The following SLFN12L variants were observed in gnomAD, a reference collection of about 807,000 sequenced individuals.
The protein encoded by SLFN12L is schlafen family member 12 like.
SLFN12L carries 34 observed loss-of-function variants against 34.8 expected under a neutral mutation model. That is an observed-to-expected ratio of 0.98 (90% CI 0.74 to 1.30). The LOEUF (loss-of-function observed/expected upper bound fraction) is 1.30, where lower values mean the gene tolerates loss of function less well. SLFN12L is among the 50% of genes most tolerant of loss of function. The probability of loss-of-function intolerance (pLI) is 0.00; values close to 1 mark genes in which losing one functional copy is unlikely to be tolerated. For missense variants in SLFN12L, 703 were observed against 696.2 expected, an observed-to-expected ratio of 1.01 and a Z score of -0.11; for synonymous variants, 259 against 247.5, an observed-to-expected ratio of 1.05 and a Z score of -0.44.
At chr17:35,530,429 G>GGAAGGAAGGAAGGAA (rs1491583109) in intron 1 of SLFN12L, among the ~76,000 whole-genome samples, 2 of 8,806 alleles carry the variant, frequency 2.3e-4, no homozygotes, top group African/African-American at 5.1e-4. Flanking sequence ...AAGGAAGGAA[G>GGAAGGAAGGAAGGAA]GGAAGGGAAG....
chr17:35,475,170 G>A lies in SLFN12L; in HGVS notation c.1592C>T (p.Thr531Ile), dbSNP rs1222540633. The change falls in exon 5 of 5, where the codon ACT (threonine) becomes ATT (isoleucine). Residue 531 changes from threonine (T) to isoleucine (I), a missense_variant. Coordinates refer to ENST00000628453, the MANE Select transcript of SLFN12L (RefSeq NM_001363830.2). Reference sequence around the variant, plus strand: ...CTTTGTCATGACACACACTTTTTTAGTGTAACCACCAATTTTTGCCAGCTT... The same window carrying A: ...CTTTGTCATGACACACACTTTTTTAATGTAACCACCAATTTTTGCCAGCTT... The part of the protein sequence containing the change: ...KQKLAKIGGY[T>I]KKVCVMTKIF... The A allele has an allele frequency of 1.9e-6, 3 of 1,614,152 alleles. No individual in the cohort carries two copies. Among genetic ancestry groups the A allele is most frequent in the Non-Finnish European group, 2.5e-6 (3 of 1,180,022 alleles).
rs1455897667 is a variant in SLFN12L at position 35,465,146 on chromosome 17, C to T, written c.*9777G>A. Among the ~76,000 whole-genome samples, 1 of 152,194 alleles carries T rather than the reference C, an allele frequency of 6.6e-6. No individual in the cohort carries two copies. The highest frequency in any genetic ancestry group is 2.4e-5 in the African/African-American group (1 of 41,450). ...CCGCCTGTCTCGGCCTCCCAAAGTG[C>T]TGGGATTACAGGCGTGAGCCACCAC... On this transcript the variant is annotated 3_prime_UTR_variant, in exon 5 of 5. Transcript: ENST00000628453.
At chr17:35,510,269 T>C (rs1343853111) in intron 2 of SLFN12L, 2 of 152,188 alleles carry the variant, frequency 1.3e-5, no homozygotes, top group African/African-American at 2.4e-5. Flanking sequence ...TCCAAGAGAA[T>C]TGAAAACATA....
At chr17:35,532,649 T>C (rs944553441) in intron 1 of SLFN12L, among the ~76,000 whole-genome samples, 2 of 152,110 alleles carry the variant, frequency 1.3e-5, no homozygotes, top group African/African-American at 4.8e-5. Context: ...CCTTACACTT[T>C]GGGAGGCCAA....
intron 2 of SLFN12L, among the ~76,000 whole-genome samples, chr17:35,489,423 G>A (rs1197603811): frequency 2.0e-5 from 3 of 152,142 alleles, no homozygotes; most frequent in Non-Finnish European, 4.4e-5. Context: ...CGTGGTGGCA[G>A]TGCACTTGTG....
chr17:35,512,871 A>G (rs957779203), intron 2 of SLFN12L, among the ~76,000 whole-genome samples: 4 of 152,212 alleles, frequency 2.6e-5, no homozygotes, highest in Non-Finnish European at 4.4e-5. Context: ...TTTCAAGGAC[A>G]TAGTGTTTCT....
At position 35,490,199 on chromosome 17, in the gene SLFN12L, G is replaced by A. The variant is rs1201203599; in HGVS notation, c.87-10004C>T. On this transcript the variant is annotated intron_variant, in intron 2 of 4. Coordinates refer to ENST00000628453, the MANE Select transcript of SLFN12L (RefSeq NM_001363830.2). The stretch of plus-strand genomic sequence containing the variant: ...GCAGCCACCAGCGCTGGGACGAGGC[G>A]GCAGTGGCCCTCTGGCAAAGTGAAG... 2.5e-6 allele frequency: 4 copies of A among 1,596,608 alleles called. No homozygotes were observed. In the African/African-American group the frequency reaches 4.0e-5, roughly 16 times the overall value.
chr17:35,487,649 G>T, intron 2 of SLFN12L: 1 of 1,439,834 alleles, frequency 6.9e-7, no homozygotes, highest in Non-Finnish European at 9.4e-7. Context: ...GGATCACGGA[G>T]AAGTTCTCGT....
chr17:35,508,589 C>G (rs1333532257), intron 2 of SLFN12L, among the ~76,000 whole-genome samples: 1 of 152,184 alleles, frequency 6.6e-6, no homozygotes, highest in Non-Finnish European at 1.5e-5. Flanking sequence ...ACCTCGTGAT[C>G]TGCCCACCTT....
rs777682861 is a variant in SLFN12L at position 35,522,386 on chromosome 17, CT to C, written c.-23del. ...CCATGATCTTCATGGCCATGATGGTCTTTCCTAAGCCAGGTAAGCCATGGAC... is the reference window on the plus strand; with the variant it reads ...CCATGATCTTCATGGCCATGATGGTCTTCCTAAGCCAGGTAAGCCATGGAC... On this transcript the variant is annotated 5_prime_UTR_variant, in exon 2 of 5. Coordinates refer to ENST00000628453, the MANE Select transcript of SLFN12L (RefSeq NM_001363830.2). 2 of 1,614,178 alleles carry C rather than the reference CT, an allele frequency of 1.2e-6. No individual in the cohort carries two copies. The highest frequency in any genetic ancestry group is 1.7e-5 in the Admixed American group (1 of 60,020).
intron 2 of SLFN12L, among the ~76,000 whole-genome samples, chr17:35,492,870 A>T (rs974747476): frequency 7.2e-5 from 11 of 152,098 alleles, no homozygotes; most frequent in African/African-American, 2.7e-4. Context: ...CAAACAATTA[A>T]ATTGAAATGT....
At chr17:35,520,014 C>A (rs1427592043) in intron 2 of SLFN12L, among the ~76,000 whole-genome samples, 1 of 152,210 alleles carries the variant, frequency 6.6e-6, no homozygotes, top group African/African-American at 2.4e-5. Context: ...ATGGAACAGT[C>A]TCTTCGTGGC....
At chr17:35,511,058 A>G (rs1336173422) in intron 2 of SLFN12L, among the ~76,000 whole-genome samples, 3 of 152,216 alleles carry the variant, frequency 2.0e-5, no homozygotes, top group East Asian at 1.9e-4. Context: ...ATTGATTTTC[A>G]TGTTTATCTT....
chr17:35,498,535 TG>T, intron 2 of SLFN12L: 2 of 1,302,144 alleles, frequency 1.5e-6, no homozygotes, highest in African/African-American at 1.5e-5. Flanking sequence ...CATCTCAGCC[TG>T]GTCCAGAACA....
chr17:35,521,701 T>C (rs1210641290), intron 2 of SLFN12L, among the ~76,000 whole-genome samples: 2 of 152,132 alleles, frequency 1.3e-5, no homozygotes, highest in Non-Finnish European at 2.9e-5. Context: ...AGCTACATAA[T>C]TGTTTTTACA....
At position 35,465,767 on chromosome 17, in the gene SLFN12L, A is replaced by G. The variant is rs898367956; in HGVS notation, c.*9156T>C. ...TAGGGCCTCATAGCCAGTATCTAGT[A>G]TGATTAACATTATTAACTCTATCCA... On this transcript the variant is annotated 3_prime_UTR_variant, in exon 5 of 5. Coordinates refer to ENST00000628453, the MANE Select transcript of SLFN12L (RefSeq NM_001363830.2). Among the ~76,000 whole-genome samples, 1 of 149,016 alleles carries G rather than the reference A, an allele frequency of 6.7e-6. No homozygotes were observed. The highest frequency in any genetic ancestry group is 1.5e-5 in the Non-Finnish European group (1 of 67,532).
chr17:35,515,220 C>T (rs1008699115), intron 2 of SLFN12L: 4 of 548,040 alleles, frequency 7.3e-6, no homozygotes, highest in Admixed American at 2.2e-5. Context: ...TGGACTGCGG[C>T]GGTGGGGGAA....
At position 35,468,771 on chromosome 17, in the gene SLFN12L, G is replaced by A. The variant is rs1265480879; in HGVS notation, c.*6152C>T. ...ACAGTGACTCATGCCTATAATTCCA[G>A]CACTTTGGGAGGCTGAGGCAGGACT... On this transcript the variant is annotated 3_prime_UTR_variant, in exon 5 of 5. Transcript: ENST00000628453. Among the ~76,000 whole-genome samples, 1 of 152,114 alleles carries A rather than the reference G, an allele frequency of 6.6e-6. No individual in the cohort carries two copies. Among genetic ancestry groups the A allele is most frequent in the Admixed American group, 6.5e-5 (1 of 15,280 alleles).
chr17:35,494,884 ATTTAT>A (rs1914984253), intron 2 of SLFN12L, among the ~76,000 whole-genome samples: 1 of 139,618 alleles, frequency 7.2e-6, no homozygotes, highest in African/African-American at 2.9e-5. Context: ...TTATTAATTT[ATTTAT>A]TTTATTTATT....
Sources: gnomAD v4.1 joint callset for allele counts (sites outside exome capture counted in the v4.1 genomes callset) on GRCh38, gnomAD v4.1.1 for gene constraint, MANE v1.5 for transcripts, NCBI Gene and HGNC (gene_info 2026-07-23, HGNC 2026-07-21) for gene names.